The following HSP90AA1 variants were observed in gnomAD, a reference collection of about 807,000 sequenced individuals.
The protein encoded by HSP90AA1 is heat shock protein 90 alpha family class A member 1.
Under a neutral mutation model 73.3 loss-of-function variants are expected in HSP90AA1, and 18 were observed. The ratio of observed to expected loss-of-function variants is 0.25; its 90% CI spans 0.17 to 0.36. HSP90AA1 has a LOEUF of 0.36. Ranked by LOEUF, HSP90AA1 falls within the 10% of genes least tolerant of loss-of-function variation. The probability of loss-of-function intolerance (pLI) is 1.00; values close to 1 mark genes in which losing one functional copy is unlikely to be tolerated. For missense variants in HSP90AA1, 704 were observed against 874.2 expected (o/e 0.81, Z 2.45); for synonymous variants, 477 against 296.9 (o/e 1.61, Z -6.24).
chr14:102,108,498 C>A (rs1328113740), intron 1 of HSP90AA1, among the ~76,000 whole-genome samples: 1 of 146,596 alleles, frequency 6.8e-6, no homozygotes, highest in East Asian at 2.0e-4. Flanking sequence ...CTTTTAACTT[C>A]TCTTTTCTAA....
intron 1 of HSP90AA1, among the ~76,000 whole-genome samples, chr14:102,119,219 T>C (rs1033656250): frequency 5.9e-5 from 9 of 152,168 alleles, no homozygotes; most frequent in African/African-American, 1.9e-4. Context: ...ATCCAAACTA[T>C]CCAAACTTAG....
In HSP90AA1 at chr14:102,085,148, T is replaced by A. The variant is rs530142235; in HGVS notation, c.663+150A>T. On this transcript the variant is annotated intron_variant, in intron 4 of 10. Transcript: ENST00000216281. ...ATCAATATTTGATACATCCACTTAATAGCCCGAGGAACTTTTACAGAGTTA... is the reference window on the plus strand; with the variant it reads ...ATCAATATTTGATACATCCACTTAAAAGCCCGAGGAACTTTTACAGAGTTA... 3.4e-6 allele frequency: 5 copies of A among 1,466,034 alleles called. No homozygotes were observed. In the African/African-American group the frequency reaches 5.6e-5, roughly 16 times the overall value. 90.8% of individuals were successfully genotyped at this position (1,466,034 alleles called of 1,614,324 possible).
intron 2 of HSP90AA1, among the ~76,000 whole-genome samples, chr14:102,094,212 G>C (rs569979693): frequency 6.6e-6 from 1 of 152,182 alleles, no homozygotes; most frequent in African/African-American, 2.4e-5. Flanking sequence ...CGGCAAACTC[G>C]TTCCCCTCCC....
At position 102,083,842 on chromosome 14, in the gene HSP90AA1, T is replaced by C. The variant is rs145475799; in HGVS notation, c.1289A>G (p.Asp430Gly). 4.3e-6 allele frequency: 7 copies of C among 1,614,006 alleles called. No individual in the cohort carries two copies. Among genetic ancestry groups the C allele is most frequent in the Middle Eastern group, 3.3e-4 (2 of 6,056 alleles). Reference sequence around the variant, plus strand: ...ATAGAATTTCTTGTAGTTCTCTTTATCTTCCGCCAGTTCAGTAAAGAGTTC... The same window carrying C: ...ATAGAATTTCTTGTAGTTCTCTTTACCTTCCGCCAGTTCAGTAAAGAGTTC... The part of the protein sequence containing the change: ...CLELFTELAE[D>G]KENYKKFYEQ... Residue 430 changes from aspartate to glycine, a missense_variant, in exon 7 of 11, where the codon GAT becomes GGT. Asp to Gly is a moderately conservative substitution (Grantham distance 94). Coordinates refer to ENST00000216281, the MANE Select transcript of HSP90AA1 (RefSeq NM_005348.4).
chr14:102,086,793 G>C (rs927766218), intron 1 of HSP90AA1, among the ~76,000 whole-genome samples, 193 bp downstream of exon 1: 1 of 151,686 alleles, frequency 6.6e-6, no homozygotes, highest in Non-Finnish European at 1.5e-5. Context: ...GCGGCCGCCC[G>C]GCCCATTCCT....
At chr14:102,134,011 C>T (rs2049943975) in intron 1 of HSP90AA1, among the ~76,000 whole-genome samples, 1 of 151,804 alleles carries the variant, frequency 6.6e-6, no homozygotes, top group Non-Finnish European at 1.5e-5. Context: ...ATTAGCCGTG[C>T]ATGGTGGCGG....
rs146294148 is a variant in HSP90AA1 at position 102,086,200 on chromosome 14, G to C, written c.162+17C>G. 4.0e-5 allele frequency: 65 copies of C among 1,614,060 alleles called. No individual in the cohort carries two copies. In the African/African-American group the frequency reaches 6.9e-4, roughly 17 times the overall value. ...CACTGAAACCAAAATCCGATTCTGG[G>C]TTAATAAGTGACTTACATCTGATGA... On this transcript the variant is annotated intron_variant, in intron 2 of 10. Coordinates refer to ENST00000216281, the MANE Select transcript of HSP90AA1 (RefSeq NM_005348.4).
At chr14:102,127,102 T>C (rs1377886830) in intron 1 of HSP90AA1, among the ~76,000 whole-genome samples, 1 of 151,834 alleles carries the variant, frequency 6.6e-6, no homozygotes, top group African/African-American at 2.4e-5. Flanking sequence ...TAATTATATA[T>C]AAGTAACAAG....
At chr14:102,106,030 G>A (rs2049563423) in intron 1 of HSP90AA1, among the ~76,000 whole-genome samples, 1 of 151,954 alleles carries the variant, frequency 6.6e-6, no homozygotes, top group Non-Finnish European at 1.5e-5. Context: ...GAGCCAAGAT[G>A]GTGCCACTGC....
Position 102,115,328 on chromosome 14 carries a change from CTG to C in HSP90AA1, c.156-13245_156-13244del, listed in dbSNP as rs1324699061. Among the ~76,000 whole-genome samples the C allele has an allele frequency of 9.0e-5, 12 of 133,290 alleles. No homozygotes were observed. In the East Asian group the frequency reaches 2.4e-3, roughly 27 times the overall value. 87.4% of individuals were successfully genotyped at this position (133,290 alleles called of 152,430 possible). ...AAACAAACAAACAAACAAAACAACT[CTG>C]TGTTTTACTTTTACAAAAAATAAAC... On this transcript the variant is annotated intron_variant, in intron 1 of 11. Coordinates refer to the HSP90AA1 transcript ENST00000334701.
chr14:102,132,129 G>A (rs1346090239), intron 1 of HSP90AA1, among the ~76,000 whole-genome samples: 1 of 152,176 alleles, frequency 6.6e-6, no homozygotes, highest in Non-Finnish European at 1.5e-5. Context: ...AGCACTTTGG[G>A]AGGCCGAGAC....
chr14:102,086,426 G>T (rs764486295), intron 1 of HSP90AA1, 48 bp from the exon 2 acceptor site: 3 of 1,598,616 alleles, frequency 1.9e-6, no homozygotes, highest in Non-Finnish European at 2.6e-6. Context: ...CGTCTACAGA[G>T]GCAACACGAA....
chr14:102,084,053 A>T, intron 6 of HSP90AA1, 70 bp from the exon 7 acceptor site: 1 of 1,146,694 alleles, frequency 8.7e-7, no homozygotes, highest in Non-Finnish European at 1.3e-6. Context: ...AAACTCCCAA[A>T]ATCAAAGATA....
At chr14:102,092,214 A>G (rs968429354) in intron 2 of HSP90AA1, among the ~76,000 whole-genome samples, 1 of 151,724 alleles carries the variant, frequency 6.6e-6, no homozygotes, top group African/African-American at 2.4e-5. Flanking sequence ...GATTACATGC[A>G]TGCGTCACCA....
rs2049502806 is a variant in HSP90AA1, at chr14:102,102,147, G to A, written c.156-62C>T. 3.5e-6 allele frequency: 5 copies of A among 1,447,420 alleles called. No individual in the cohort carries two copies. In the South Asian group the frequency reaches 5.7e-5, roughly 17 times the overall value. The allele number at this position is 1,447,420 out of a possible 1,614,324, so 89.7% of individuals were successfully genotyped here. A position where few individuals can be genotyped will look rare whatever the true frequency, so the allele number is the denominator to read the frequency against. On this transcript the variant is annotated intron_variant, in intron 1 of 11. Transcript: ENST00000334701. ...CAAACATAACAGAGATAGGGCGGCA[G>A]AGGATGAACTTGGACAGCCCCAAGC...
chr14:102,091,554 A>T (rs983513105), upstream of HSP90AA1, among the ~76,000 whole-genome samples: 3 of 152,034 alleles, frequency 2.0e-5, no homozygotes, highest in African/African-American at 4.8e-5. Flanking sequence ...TGAACTCAGG[A>T]GGCAGAGGCT....
At chr14:102,122,584 G>A (rs1420774316) in intron 1 of HSP90AA1, among the ~76,000 whole-genome samples, 1 of 150,498 alleles carries the variant, frequency 6.6e-6, no homozygotes, top group African/African-American at 2.4e-5. Context: ...CCCAGCTTAA[G>A]AGGTTTTATA....
chr14:102,130,290 T>C (rs1323175099), intron 1 of HSP90AA1, among the ~76,000 whole-genome samples: 1 of 152,124 alleles, frequency 6.6e-6, no homozygotes, highest in African/African-American at 2.4e-5. Context: ...TTTTGATTTC[T>C]CTTGGGTATA....
intron 1 of HSP90AA1, among the ~76,000 whole-genome samples, chr14:102,102,324 T>TC (rs1239324477): frequency 2.0e-5 from 3 of 152,094 alleles, no homozygotes; most frequent in African/African-American, 4.8e-5. Context: ...TATGGCCTGA[T>TC]CCCCCACTCC....
Sources: allele counts gnomAD v4.1 joint callset (sites outside exome capture counted in the v4.1 genomes callset), GRCh38; gene constraint gnomAD v4.1.1; transcripts MANE v1.5; gene names NCBI Gene and HGNC (gene_info 2026-07-23, HGNC 2026-07-21).